The following SH2D4B variants were observed in gnomAD, a reference collection of about 807,000 sequenced individuals.
SH2D4B encodes the protein SH2 domain containing 4B, also known as SH2 domain-containing protein 4B.
SH2D4B carries 45 observed loss-of-function variants against 61.5 expected under a neutral mutation model. That is an observed-to-expected ratio of 0.73 (90% CI 0.58 to 0.94). The LOEUF is 0.94. Ranked by LOEUF, SH2D4B falls within the 40% of genes least tolerant of loss-of-function variation. The pLI, the probability that SH2D4B is intolerant of heterozygous loss-of-function variation, is 0.00. For synonymous variants in SH2D4B, 224 were observed against 220.4 expected, an observed-to-expected ratio of 1.02 and a Z score of -0.14; for missense variants, 572 against 574.2, an observed-to-expected ratio of 1.00 and a Z score of 0.04.
In SH2D4B at chr10:80,609,559, C is replaced by A. The variant is rs1564782995; in HGVS notation, c.988+8C>A. 3 of 1,614,030 alleles carry A rather than the reference C, an allele frequency of 1.9e-6. No homozygotes were observed. Among genetic ancestry groups the A allele is most frequent in the Non-Finnish European group, 2.5e-6 (3 of 1,179,878 alleles). On this transcript the variant is annotated splice_region_variant and intron_variant, in intron 6 of 7. Transcript: ENST00000646907. ...TCGCCCCCTGGTTCCATGGTAGCACCATTTTTCTGGGCCCTGTGCCAGATG... is the reference window on the plus strand; with the variant it reads ...TCGCCCCCTGGTTCCATGGTAGCACAATTTTTCTGGGCCCTGTGCCAGATG...
chr10:80,629,189 A>G (rs1185167854), intron 6 of SH2D4B, among the ~76,000 whole-genome samples: 1 of 152,056 alleles, frequency 6.6e-6, no homozygotes, highest in Non-Finnish European at 1.5e-5. Flanking sequence ...CTTCCTATCC[A>G]TGGTGGAAGG....
chr10:80,614,947 CCCCTCCTGGGTAG>C (rs1371775124), intron 6 of SH2D4B, among the ~76,000 whole-genome samples: 2 of 152,196 alleles, frequency 1.3e-5, no homozygotes, highest in Admixed American at 6.5e-5. Context: ...CAATGGTGAT[CCCCTCCTGGGTAG>C]CCCTCCTGGG....
intron 6 of SH2D4B, among the ~76,000 whole-genome samples, chr10:80,627,302 A>G (rs541986939): frequency 6.6e-6 from 1 of 152,292 alleles, no homozygotes; most frequent in South Asian, 2.1e-4. Flanking sequence ...TCTGTATAGG[A>G]AACATCAGTG....
At chr10:80,558,691 T>G (rs1564768075) in intron 1 of SH2D4B, among the ~76,000 whole-genome samples, 3 of 152,044 alleles carry the variant, frequency 2.0e-5, no homozygotes, top group African/African-American at 4.8e-5. Context: ...TGCCATGTGG[T>G]CAAGGCTGGT....
chr10:80,541,500 G>A (rs1841578304), intron 1 of SH2D4B, among the ~76,000 whole-genome samples: 1 of 152,138 alleles, frequency 6.6e-6, no homozygotes, highest in Non-Finnish European at 1.5e-5. Flanking sequence ...TGGGATCCCT[G>A]AGCATGACGT....
intron 7 of SH2D4B, among the ~76,000 whole-genome samples, chr10:80,643,416 T>G (rs896989126): frequency 4.6e-5 from 7 of 152,134 alleles, no homozygotes; most frequent in African/African-American, 1.7e-4. Context: ...CTTTTATGGT[T>G]ATAATTTTGC....
At chr10:80,562,314 T>C (rs921528443) in intron 1 of SH2D4B, among the ~76,000 whole-genome samples, 1 of 152,250 alleles carries the variant, frequency 6.6e-6, no homozygotes, top group African/African-American at 2.4e-5. Context: ...TGATAGGTTC[T>C]TGGAAACTGT....
intron 4 of SH2D4B, among the ~76,000 whole-genome samples, chr10:80,590,617 A>G (rs968219424): frequency 6.6e-6 from 1 of 152,160 alleles, no homozygotes; most frequent in South Asian, 2.1e-4. Context: ...AACTGGGGCC[A>G]TACAGGGAGA....
At chr10:80,586,873 A>G (rs1304586390) in intron 3 of SH2D4B, among the ~76,000 whole-genome samples, 1 of 152,172 alleles carries the variant, frequency 6.6e-6, no homozygotes, top group African/African-American at 2.4e-5. Context: ...CAGGGAGACC[A>G]CGAACCCACC....
rs148401007 is a variant in SH2D4B at position 80,555,225 on chromosome 10, C to A, written c.185-14929C>A. 2.4e-3 allele frequency among the ~76,000 whole-genome samples: 367 copies of A among 152,246 alleles called. 2 individuals are homozygous for A. Among genetic ancestry groups the A allele is most frequent in the African/African-American group, 8.4e-3 (349 of 41,554 alleles). On this transcript the variant is annotated intron_variant, in intron 1 of 7. Transcript: ENST00000646907. The stretch of plus-strand genomic sequence containing the variant: ...CCTACAATATAGCTGGGTGGCCAGG[C>A]TTTTCAATAAGGACATCCTTTAGGA...
In SH2D4B at chr10:80,604,221, A is replaced by G. The variant is rs78214742; in HGVS notation, c.860+426A>G. On this transcript the variant is annotated intron_variant, in intron 5 of 7. Coordinates refer to ENST00000646907, the MANE Select transcript of SH2D4B (RefSeq NM_001388272.1). ...CTTGCTGCCTGTCGGAGCCCCAGGCAAGCCAGTTTTTCTCCAATTGGAATA... is the reference window on the plus strand; with the variant it reads ...CTTGCTGCCTGTCGGAGCCCCAGGCGAGCCAGTTTTTCTCCAATTGGAATA... 1.5e-4 allele frequency among the ~76,000 whole-genome samples: 23 copies of G among 152,312 alleles called. No homozygotes were observed. The East Asian group carries it at 4.2e-3, about 28-fold the overall frequency.
intron 3 of SH2D4B, among the ~76,000 whole-genome samples, chr10:80,583,847 G>C (rs1360333172): frequency 2.6e-5 from 4 of 152,110 alleles, no homozygotes; most frequent in Non-Finnish European, 5.9e-5. Context: ...AAAGATAAGA[G>C]ACTACAGACT....
At chr10:80,583,493 A>AC (rs34339901) in intron 3 of SH2D4B, among the ~76,000 whole-genome samples, 37,420 of 148,546 alleles carry the variant, frequency 0.25, 5,327 homozygotes, top group African/African-American at 0.38. Flanking sequence ...ACATGATGAA[A>AC]CCCGTCTCCA....
intron 1 of SH2D4B, among the ~76,000 whole-genome samples, chr10:80,569,026 A>G (rs1842005761): frequency 6.6e-6 from 1 of 152,190 alleles, no homozygotes; most frequent in Non-Finnish European, 1.5e-5. Flanking sequence ...CACAGTTTAT[A>G]TTTCTGTTTC....
At chr10:80,540,724 T>C (rs1179429290) in intron 1 of SH2D4B, 1 of 1,088,334 alleles carries the variant, frequency 9.2e-7, no homozygotes, top group Admixed American at 2.3e-5. Context: ...TATGTGCTGA[T>C]TTCAGTGAAT....
At chr10:80,615,958 A>G (rs1238577651) in intron 6 of SH2D4B, among the ~76,000 whole-genome samples, 1 of 152,182 alleles carries the variant, frequency 6.6e-6, no homozygotes, top group Admixed American at 6.5e-5. Flanking sequence ...GTTATATGGA[A>G]TAGACAAACA....
chr10:80,587,151 G>GTTTTTTTT (rs58312366), intron 3 of SH2D4B, among the ~76,000 whole-genome samples: 1 of 48,388 alleles, frequency 2.1e-5, no homozygotes, highest in African/African-American at 1.2e-4. Context: ...TTTTTGTTTT[G>GTTTTTTTT]TTTTTTTTTT....
intron 1 of SH2D4B, among the ~76,000 whole-genome samples, chr10:80,543,694 T>G (rs1037778582): frequency 6.6e-6 from 1 of 152,198 alleles, no homozygotes; most frequent in Non-Finnish European, 1.5e-5. Flanking sequence ...GGTGGGGTCA[T>G]GGAGAACCTT....
At chr10:80,642,114 C>G (rs1840318749) in intron 7 of SH2D4B, among the ~76,000 whole-genome samples, 1 of 151,640 alleles carries the variant, frequency 6.6e-6, no homozygotes, top group South Asian at 2.1e-4. Flanking sequence ...TTTTTTGAGA[C>G]AAGGTCTTAC....
Sources: allele counts gnomAD v4.1 joint callset (sites outside exome capture counted in the v4.1 genomes callset), GRCh38; gene constraint gnomAD v4.1.1; transcripts MANE v1.5; gene names NCBI Gene and HGNC (gene_info 2026-07-23, HGNC 2026-07-21).